WDR7: variants seen among roughly 807,000 people sequenced by gnomAD.
WDR7 encodes the protein WD repeat domain 7, also known as WD repeat-containing protein 7.
A neutral mutation model predicts 169.4 loss-of-function variants in WDR7; 46 were observed. That is an observed-to-expected ratio of 0.27 (90% confidence interval 0.21 to 0.35). The LOEUF (loss-of-function observed/expected upper bound fraction) is 0.35, where lower values mean the gene tolerates loss of function less well. Among genes scored for constraint, WDR7 ranks in the 10% least tolerant of loss-of-function variants. WDR7 has a pLI of 1.00. For missense variants in WDR7, 1,534 were observed against 1,859.3 expected (o/e 0.83, Z 3.22); for synonymous variants, 612 against 666.8 (o/e 0.92, Z 1.27).
In WDR7 at chr18:56,804,732, C is replaced by T. The variant is rs73434901; in HGVS notation, c.3191-11299C>T. Among the ~76,000 whole-genome samples the T allele has an allele frequency of 2.5e-3, 379 of 152,256 alleles. 3 individuals carry two copies. Among genetic ancestry groups the T allele is most frequent in the African/African-American group, 8.9e-3 (369 of 41,544 alleles). On this transcript the variant is annotated intron_variant, in intron 19 of 27. Transcript: ENST00000254442. ...TTTTGATGAGAATGATCAAAAACTG[C>T]GACAGATCATCACATAGGCAATGTG...
chr18:56,924,354 G>A (rs1473773091), intron 22 of WDR7, among the ~76,000 whole-genome samples: 2 of 152,046 alleles, frequency 1.3e-5, no homozygotes, highest in African/African-American at 4.8e-5. Context: ...AATTGTATTT[G>A]TTATACCGTG....
chr18:56,696,481 A>C lies in WDR7; in HGVS notation c.1578+19A>C, dbSNP rs766205802. 2 of 1,588,656 alleles carry C rather than the reference A, an allele frequency of 1.3e-6. No homozygotes were observed. The highest frequency in any genetic ancestry group is 1.7e-6 in the Non-Finnish European group (2 of 1,165,652). On this transcript the variant is annotated intron_variant, in intron 12 of 27. Transcript: ENST00000254442. ...CTGTAGTGTAAGTTGATTTATATAAAAGATTATTTCACTATGGTAGAGCCA... is the reference window on the plus strand; with the variant it reads ...CTGTAGTGTAAGTTGATTTATATAACAGATTATTTCACTATGGTAGAGCCA...
At chr18:56,840,569 C>A (rs1207979248) in intron 20 of WDR7, among the ~76,000 whole-genome samples, 2 of 152,102 alleles carry the variant, frequency 1.3e-5, no homozygotes, top group Admixed American at 6.6e-5. Flanking sequence ...TCCTGCAATA[C>A]CAGCATTTTG....
chr18:57,003,479 T>A (rs1481301970), intron 26 of WDR7, among the ~76,000 whole-genome samples: 2 of 152,028 alleles, frequency 1.3e-5, no homozygotes, highest in Non-Finnish European at 2.9e-5. Flanking sequence ...GAGAGAGTGA[T>A]CTAGTTATTC....
At chr18:56,776,017 G>C (rs918193311) in intron 16 of WDR7, among the ~76,000 whole-genome samples, 1 of 152,162 alleles carries the variant, frequency 6.6e-6, no homozygotes, top group Non-Finnish European at 1.5e-5. Context: ...GTTGTAGAAT[G>C]TGTGTGCCAT....
At chr18:56,811,158 A>G (rs1411450712) in intron 19 of WDR7, among the ~76,000 whole-genome samples, 1 of 152,152 alleles carries the variant, frequency 6.6e-6, no homozygotes, top group East Asian at 1.9e-4. Context: ...CTATTGTATG[A>G]ATTTATCATT....
intron 19 of WDR7, among the ~76,000 whole-genome samples, chr18:56,788,517 A>T (rs563895087): frequency 7.2e-5 from 11 of 152,202 alleles, no homozygotes; most frequent in Non-Finnish European, 1.5e-4. Context: ...CTGGCTAAGA[A>T]TAAGAGCTCT....
chr18:56,871,099 A>G (rs2045946282), intron 20 of WDR7, among the ~76,000 whole-genome samples: 2 of 152,184 alleles, frequency 1.3e-5, no homozygotes, highest in South Asian at 2.1e-4. Context: ...TTTATTGACT[A>G]ACATTTGTAG....
intron 21 of WDR7, among the ~76,000 whole-genome samples, chr18:56,893,969 T>C (rs2046298121): frequency 6.6e-6 from 1 of 152,138 alleles, no homozygotes; most frequent in Non-Finnish European, 1.5e-5. Context: ...TTTTCCCATC[T>C]AAACCTATTC....
intron 20 of WDR7, among the ~76,000 whole-genome samples, chr18:56,822,249 A>C (rs1003384040): frequency 2.6e-4 from 39 of 152,356 alleles, no homozygotes; most frequent in African/African-American, 8.9e-4. Context: ...TTCATTACTA[A>C]ACTGTCAGTT....
At chr18:56,995,484 C>T (rs1174577079) in intron 26 of WDR7, among the ~76,000 whole-genome samples, 1 of 152,198 alleles carries the variant, frequency 6.6e-6, no homozygotes, top group African/African-American at 2.4e-5. Flanking sequence ...GTACATCACT[C>T]ATTCTGTATT....
chr18:56,852,714 A>T (rs1403425519), intron 20 of WDR7, among the ~76,000 whole-genome samples: 1 of 152,322 alleles, frequency 6.6e-6, no homozygotes, highest in African/African-American at 2.4e-5. Flanking sequence ...ATGTAAAAAA[A>T]CAAGCACATA....
At chr18:56,745,573 T>A (rs975708469) in intron 14 of WDR7, among the ~76,000 whole-genome samples, 44 of 152,098 alleles carry the variant, frequency 2.9e-4, no homozygotes, top group African/African-American at 9.9e-4. Flanking sequence ...ATGCCACTGC[T>A]GATATGACAG....
chr18:56,784,477 G>A (rs1397759105), intron 19 of WDR7, among the ~76,000 whole-genome samples: 1 of 152,046 alleles, frequency 6.6e-6, no homozygotes, highest in African/African-American at 2.4e-5. Context: ...ATCACTCTGT[G>A]TGACTTTGCA....
intron 14 of WDR7, among the ~76,000 whole-genome samples, chr18:56,734,710 T>C (rs181583486): frequency 6.6e-6 from 1 of 152,256 alleles, no homozygotes; most frequent in East Asian, 1.9e-4. Flanking sequence ...GCTCACATTT[T>C]TTTTGTTCAT....
intron 26 of WDR7, among the ~76,000 whole-genome samples, chr18:56,974,607 C>T (rs560379486): frequency 1.6e-4 from 24 of 152,252 alleles, no homozygotes; most frequent in East Asian, 3.9e-4. Flanking sequence ...CTCCCGACCA[C>T]GGGCATTGCT....
intron 21 of WDR7, among the ~76,000 whole-genome samples, chr18:56,885,719 C>T (rs1041551241): frequency 6.7e-6 from 1 of 150,270 alleles, no homozygotes; most frequent in African/African-American, 2.4e-5. Context: ...CCCAGCTACT[C>T]GGGAGACTGA....
intron 14 of WDR7, among the ~76,000 whole-genome samples, chr18:56,755,431 G>A (rs563659014): frequency 1.3e-5 from 2 of 152,296 alleles, no homozygotes; most frequent in East Asian, 3.9e-4. Flanking sequence ...GGTCACATAT[G>A]TTGGAGTAAG....
At chr18:56,815,248 TATC>T (rs1005464552) in intron 19 of WDR7, among the ~76,000 whole-genome samples, 1 of 152,212 alleles carries the variant, frequency 6.6e-6, no homozygotes, top group Non-Finnish European at 1.5e-5. Context: ...ATTTTTATAT[TATC>T]ATGATTGAGA....
Sources: allele counts gnomAD v4.1 joint callset (sites outside exome capture counted in the v4.1 genomes callset), GRCh38; gene constraint gnomAD v4.1.1; transcripts MANE v1.5; gene names NCBI Gene and HGNC (gene_info 2026-07-23, HGNC 2026-07-21).